STXBP6: variants seen among roughly 807,000 people sequenced by gnomAD.
STXBP6 encodes the protein syntaxin binding protein 6.
STXBP6 carries 21 observed loss-of-function variants against 26.9 expected under a neutral mutation model. The observed-to-expected ratio is 0.78, with a 90% CI of 0.55 to 1.12. The LOEUF is 1.12. STXBP6 is among the 50% of genes most tolerant of loss of function. The pLI is 0.00. For synonymous variants in STXBP6, 97 were observed against 92.6 expected, an observed-to-expected ratio of 1.05 and a Z score of -0.27; for missense variants, 232 against 257.9, an observed-to-expected ratio of 0.90 and a Z score of 0.69.
intron 2 of STXBP6, among the ~76,000 whole-genome samples, chr14:24,946,347 C>G (rs941255532): frequency 8.5e-5 from 13 of 152,242 alleles, no homozygotes; most frequent in African/African-American, 2.6e-4. Flanking sequence ...AAAGAGGGCC[C>G]AGGCGAGAGT....
chr14:24,862,795 G>C (rs920136861), intron 2 of STXBP6, among the ~76,000 whole-genome samples: 1 of 152,150 alleles, frequency 6.6e-6, no homozygotes, highest in African/African-American at 2.4e-5. Flanking sequence ...AAATTCTATG[G>C]GAAGGCTGCT....
chr14:24,942,625 C>G (rs72682944), intron 2 of STXBP6, among the ~76,000 whole-genome samples: 8,684 of 152,288 alleles, frequency 0.057, 377 homozygotes, highest in Non-Finnish European at 0.09. Context: ...CACTGACGGT[C>G]TGATCTTTTA....
chr14:24,821,804 C>T (rs1416772384), intron 4 of STXBP6, among the ~76,000 whole-genome samples: 8 of 152,166 alleles, frequency 5.3e-5, no homozygotes, highest in Non-Finnish European at 1.2e-4. Flanking sequence ...AATGACTTCC[C>T]AGCTGGATTA....
At chr14:24,829,450 T>C (rs1000266624) in intron 4 of STXBP6, among the ~76,000 whole-genome samples, 1 of 152,212 alleles carries the variant, frequency 6.6e-6, no homozygotes, top group African/African-American at 2.4e-5. Flanking sequence ...AAACTGAGCA[T>C]GAAACAAAGT....
At chr14:24,833,751 T>C (rs2068528501) in intron 4 of STXBP6, among the ~76,000 whole-genome samples, 1 of 152,240 alleles carries the variant, frequency 6.6e-6, no homozygotes, top group South Asian at 2.1e-4. Context: ...GATATAATTA[T>C]GTACAAAATA....
At chr14:24,923,463 T>C (rs2072052945) in intron 2 of STXBP6, among the ~76,000 whole-genome samples, 2 of 152,180 alleles carry the variant, frequency 1.3e-5, no homozygotes, top group Admixed American at 1.3e-4. Context: ...AACTTGTCAG[T>C]TTCTTTATGG....
At chr14:24,897,710 G>A (rs966900415) in intron 2 of STXBP6, among the ~76,000 whole-genome samples, 1 of 152,302 alleles carries the variant, frequency 6.6e-6, no homozygotes, top group South Asian at 2.1e-4. Flanking sequence ...AACAACAGGA[G>A]AGGTTTAGTA....
intron 2 of STXBP6, among the ~76,000 whole-genome samples, chr14:24,888,361 A>G (rs1458095460): frequency 6.6e-6 from 1 of 152,188 alleles, no homozygotes; most frequent in Non-Finnish European, 1.5e-5. Context: ...ACATCAGAGA[A>G]TCTCCCCAAA....
chr14:24,844,416 G>A (rs951726555), intron 4 of STXBP6, among the ~76,000 whole-genome samples: 5 of 152,196 alleles, frequency 3.3e-5, no homozygotes, highest in African/African-American at 7.2e-5. Context: ...ACAGACGTAC[G>A]GGTAACCTGA....
In STXBP6 at chr14:25,010,819, CA is replaced by C. The variant is rs575534127; in HGVS notation, c.-32-35970del. Among the ~76,000 whole-genome samples, 570 of 152,046 alleles carry C rather than the reference CA, an allele frequency of 3.7e-3. 7 individuals carry two copies. The highest frequency in any genetic ancestry group is 0.01 in the Middle Eastern group (3 of 294). On this transcript the variant is annotated intron_variant, in intron 1 of 5. Coordinates refer to ENST00000323944, the MANE Select transcript of STXBP6 (RefSeq NM_001394410.1). ...GATAGGATTTGGTCAAAGTGACAAACATGAAAGAAAACAAAATTTTGACAAG... is the reference window on the plus strand; with the variant it reads ...GATAGGATTTGGTCAAAGTGACAAACTGAAAGAAAACAAAATTTTGACAAG...
At chr14:24,954,687 A>C (rs2073282826) in intron 2 of STXBP6, among the ~76,000 whole-genome samples, 1 of 152,234 alleles carries the variant, frequency 6.6e-6, no homozygotes, top group South Asian at 2.1e-4. Context: ...AGGACTGGGC[A>C]GGACATAGGT....
At chr14:24,853,163 G>A (rs926829085) in intron 4 of STXBP6, among the ~76,000 whole-genome samples, 1 of 152,020 alleles carries the variant, frequency 6.6e-6, no homozygotes, top group Non-Finnish European at 1.5e-5. Context: ...ACTATAGGAA[G>A]AGACCAAAAG....
chr14:24,839,340 T>C (rs2068720484), intron 4 of STXBP6, among the ~76,000 whole-genome samples: 2 of 151,454 alleles, frequency 1.3e-5, no homozygotes, highest in Admixed American at 1.3e-4. Flanking sequence ...AACTGGTTGG[T>C]ACCAGCACAT....
In STXBP6 at chr14:24,963,091, T is replaced by A. The variant is rs182739482; in HGVS notation, c.154+11574A>T. The stretch of plus-strand genomic sequence containing the variant: ...GAATCCTGAAAATCAAAGGCATGAT[T>A]TTCCCATTGTTTTTTTCCCCTTGGT... On this transcript the variant is annotated intron_variant, in intron 2 of 5. Transcript: ENST00000323944. Among the ~76,000 whole-genome samples the A allele has an allele frequency of 4.7e-4, 71 of 152,244 alleles. 1 individual carries two copies. The highest frequency in any genetic ancestry group is 1.6e-3 in the African/African-American group (68 of 41,544).
At chr14:24,863,654 C>T (rs551152089) in intron 2 of STXBP6, among the ~76,000 whole-genome samples, 46 of 152,162 alleles carry the variant, frequency 3.0e-4, no homozygotes, top group African/African-American at 9.1e-4. Flanking sequence ...TCCTGCAATC[C>T]TTATTCTAGC....
At chr14:24,826,466 CT>C (rs1269322920) in intron 4 of STXBP6, among the ~76,000 whole-genome samples, 2 of 152,190 alleles carry the variant, frequency 1.3e-5, no homozygotes, top group Non-Finnish European at 2.9e-5. Context: ...GCTCATCTTT[CT>C]TTCCCTACTC....
At chr14:24,893,198 C>A (rs779466877) in intron 2 of STXBP6, among the ~76,000 whole-genome samples, 3 of 152,200 alleles carry the variant, frequency 2.0e-5, no homozygotes, top group Non-Finnish European at 2.9e-5. Flanking sequence ...ACTAGCCTTT[C>A]GTATGAACAA....
At chr14:24,825,816 T>C (rs913953427) in intron 4 of STXBP6, among the ~76,000 whole-genome samples, 5 of 152,214 alleles carry the variant, frequency 3.3e-5, no homozygotes, top group Admixed American at 1.3e-4. Context: ...TTTAAACACT[T>C]AAATTCAGGA....
At chr14:24,987,784 C>T (rs1461002505) in intron 1 of STXBP6, 3 of 955,964 alleles carry the variant, frequency 3.1e-6, no homozygotes, top group East Asian at 1.1e-4. Flanking sequence ...TGTTGTTACC[C>T]AAGGGAGATG....
Sources: allele counts gnomAD v4.1 joint callset (sites outside exome capture counted in the v4.1 genomes callset), GRCh38; gene constraint gnomAD v4.1.1; transcripts MANE v1.5; gene names NCBI Gene and HGNC (gene_info 2026-07-23, HGNC 2026-07-21).